The following SNX29 variants were observed in gnomAD, a reference collection of about 807,000 sequenced individuals.
SNX29 encodes sorting nexin 29, also known as sorting nexin-29.
In SNX29, 78 loss-of-function variants were observed where a neutral mutation model predicts 102.1. That is an observed-to-expected ratio of 0.76 (90% CI 0.64 to 0.92). The LOEUF is 0.92. Among genes scored for constraint, SNX29 ranks in the 40% least tolerant of loss-of-function variants. The probability of loss-of-function intolerance (pLI) is 0.00; values close to 1 mark genes in which losing one functional copy is unlikely to be tolerated. For missense variants in SNX29, 1,280 were observed against 1,061.7 expected (o/e 1.21, Z -2.86); for synonymous variants, 580 against 414.5 (o/e 1.40, Z -4.85).
intron 18 of SNX29, among the ~76,000 whole-genome samples, chr16:12,424,917 G>A (rs2085002632): frequency 1.3e-5 from 2 of 152,180 alleles, no homozygotes; most frequent in Admixed American, 1.3e-4. Context: ...ATCAATAAAT[G>A]GAGGATAACC....
intron 15 of SNX29, among the ~76,000 whole-genome samples, chr16:12,341,688 T>G (rs1271480438): frequency 6.6e-6 from 1 of 152,214 alleles, no homozygotes; most frequent in Non-Finnish European, 1.5e-5. Flanking sequence ...GAAGGGATGG[T>G]GCAGGGTCAC....
At chr16:12,044,860 C>T (rs914533392) in intron 5 of SNX29, among the ~76,000 whole-genome samples, 3 of 152,172 alleles carry the variant, frequency 2.0e-5, no homozygotes, top group East Asian at 1.9e-4. Context: ...GGATTACAGG[C>T]GTGAGTTACT....
At chr16:12,221,356 C>T (rs577143478) in intron 14 of SNX29, among the ~76,000 whole-genome samples, 2 of 152,234 alleles carry the variant, frequency 1.3e-5, no homozygotes, top group East Asian at 1.9e-4. Flanking sequence ...GGCTCAGCCC[C>T]GTAATCCCAG....
chr16:12,004,035 G>C (rs756611090), intron 3 of SNX29, among the ~76,000 whole-genome samples: 2 of 150,556 alleles, frequency 1.3e-5, no homozygotes, highest in Non-Finnish European at 1.5e-5. Flanking sequence ...GACAGGATGA[G>C]ACTGTGTCTC....
chr16:12,094,107 G>C (rs2052672244), intron 11 of SNX29, among the ~76,000 whole-genome samples: 1 of 152,166 alleles, frequency 6.6e-6, no homozygotes, highest in Non-Finnish European at 1.5e-5. Flanking sequence ...AGCTAACTGT[G>C]CCTCAGCGTT....
At chr16:12,557,761 A>C (rs1567196355) in intron 20 of SNX29, 1 of 152,220 alleles carries the variant, frequency 6.6e-6, no homozygotes, top group Non-Finnish European at 1.5e-5. Context: ...GTCACTAAGC[A>C]ACAGATATTT....
intron 14 of SNX29, among the ~76,000 whole-genome samples, 176 bp from the exon 15 acceptor site, chr16:12,277,757 G>A (rs528084401): frequency 6.6e-6 from 1 of 152,180 alleles, no homozygotes; most frequent in South Asian, 2.1e-4. Context: ...TCGTTTTATT[G>A]TACTTAGGTG....
At chr16:12,181,634 G>A in intron 13 of SNX29, among the ~76,000 whole-genome samples, 1 of 151,928 alleles carries the variant, frequency 6.6e-6, no homozygotes, top group Admixed American at 6.6e-5. Flanking sequence ...AGGAGCACCT[G>A]TTGGTGATTT....
chr16:12,566,630 ACCT>A (rs2079022641), intron 20 of SNX29, among the ~76,000 whole-genome samples: 1 of 152,058 alleles, frequency 6.6e-6, no homozygotes, highest in South Asian at 2.1e-4. Context: ...GCAAGCAAAG[ACCT>A]CCTTCCAGCA....
chr16:12,116,116 T>A (rs1172536424), intron 11 of SNX29, among the ~76,000 whole-genome samples: 1 of 152,202 alleles, frequency 6.6e-6, no homozygotes, highest in African/African-American at 2.4e-5. Context: ...TTTGAAAAAC[T>A]CTCTCTCCTA....
At chr16:12,198,648 A>C (rs1338746269) in intron 13 of SNX29, among the ~76,000 whole-genome samples, 1 of 152,224 alleles carries the variant, frequency 6.6e-6, no homozygotes, top group Non-Finnish European at 1.5e-5. Flanking sequence ...CTGAATCTCA[A>C]AGCAGATGGC....
chr16:12,539,476 T>G (rs1168978789), intron 20 of SNX29, among the ~76,000 whole-genome samples: 1 of 152,252 alleles, frequency 6.6e-6, no homozygotes, highest in Non-Finnish European at 1.5e-5. Context: ...TACCACGGTT[T>G]ATCTAGTCAT....
chr16:11,991,677 A>T (rs896947514), intron 1 of SNX29, among the ~76,000 whole-genome samples: 2 of 148,198 alleles, frequency 1.3e-5, no homozygotes, highest in African/African-American at 5.0e-5. Context: ...CAATTAGCTG[A>T]GATTACAGGT....
chr16:12,552,880 T>A (rs1198745685), intron 20 of SNX29, among the ~76,000 whole-genome samples: 1 of 152,152 alleles, frequency 6.6e-6, no homozygotes, highest in African/African-American at 2.4e-5. Context: ...TGGGGAGACA[T>A]GGACATGGAG....
chr16:12,184,270 C>G (rs1203531222), intron 13 of SNX29, among the ~76,000 whole-genome samples: 2 of 152,124 alleles, frequency 1.3e-5, no homozygotes, highest in Non-Finnish European at 2.9e-5. Flanking sequence ...CTTTTATAGC[C>G]ATTTCTTCCC....
intron 18 of SNX29, among the ~76,000 whole-genome samples, chr16:12,466,228 T>A (rs2087046416): frequency 6.6e-6 from 1 of 152,182 alleles, no homozygotes; most frequent in Non-Finnish European, 1.5e-5. Flanking sequence ...GATGATATCA[T>A]GTCATATAGA....
intron 20 of SNX29, among the ~76,000 whole-genome samples, chr16:12,568,297 G>A (rs1384622195): frequency 2.8e-4 from 14 of 50,620 alleles, no homozygotes; most frequent in African/African-American, 8.5e-4. Flanking sequence ...GAGCCTCGGA[G>A]TGCTGTTAAA....
intron 20 of SNX29, among the ~76,000 whole-genome samples, chr16:12,541,348 A>G (rs554020779): frequency 1.3e-5 from 2 of 152,258 alleles, no homozygotes; most frequent in African/African-American, 2.4e-5. Context: ...TACCTTCTTC[A>G]TTCTTCACAG....
intron 15 of SNX29, among the ~76,000 whole-genome samples, chr16:12,291,856 C>T (rs918694456): frequency 2.6e-5 from 4 of 152,128 alleles, no homozygotes; most frequent in African/African-American, 9.7e-5. Flanking sequence ...CTTCAGTGCT[C>T]AGTGCATGAA....
Sources: gnomAD v4.1 joint callset for allele counts (sites outside exome capture counted in the v4.1 genomes callset) on GRCh38, gnomAD v4.1.1 for gene constraint, MANE v1.5 for transcripts, NCBI Gene and HGNC (gene_info 2026-07-23, HGNC 2026-07-21) for gene names.